DICER1: variants seen among roughly 807,000 people sequenced by gnomAD.
DICER1 encodes the protein dicer 1, ribonuclease III.
DICER1 carries 43 observed loss-of-function variants against 194.1 expected under a neutral mutation model. The ratio of observed to expected loss-of-function variants is 0.22; its 90% CI spans 0.17 to 0.29. The LOEUF (loss-of-function observed/expected upper bound fraction) is 0.29, where lower values mean the gene tolerates loss of function less well. Ranked by LOEUF, DICER1 falls within the 10% of genes least tolerant of loss-of-function variation. The probability of loss-of-function intolerance (pLI) is 1.00; values close to 1 mark genes in which losing one functional copy is unlikely to be tolerated. For missense variants in DICER1, 1,608 were observed against 2,317.0 expected, an observed-to-expected ratio of 0.69 and a Z score of 6.28; for synonymous variants, 832 against 820.5, an observed-to-expected ratio of 1.01 and a Z score of -0.24.
rs1595411224 is a variant in DICER1, at chr14:95,116,570, G to A, written c.1635C>T (p.Ser545=). ...TTGCTCTTCCTTTAGATTGAACATA[G>A]GATCGATATTCTGTGGGCAAATCAA... is the stretch of plus-strand genomic sequence containing the variant. ...VRFDLPTEYR[S]YVQSKGRARA... is the part of the protein sequence containing the mutation. The change falls in exon 10 of 27, where the codon TCC becomes TCT. Residue 545 remains serine, a synonymous_variant. Coordinates refer to ENST00000343455, the MANE Select transcript of DICER1 (RefSeq NM_177438.3). The A allele has an allele frequency of 6.2e-7, 1 of 1,613,818 alleles. No homozygotes were observed. Among genetic ancestry groups the A allele is most frequent in the Non-Finnish European group, 8.5e-7 (1 of 1,179,946 alleles).
rs563878612 is a variant in DICER1 at position 95,088,777 on chromosome 14, C to T, written c.*1721G>A. The T allele has an allele frequency of 3.5e-5, 8 of 231,720 alleles. No homozygotes were observed. Among genetic ancestry groups the T allele is most frequent in the Admixed American group, 2.8e-4 (5 of 17,710 alleles). 14.4% of individuals were successfully genotyped at this position (231,720 alleles called of 1,614,324 possible). ...GCTGACAGTTTTCTGTCGGTGCACT[C>T]GCACAGAGGCATTTCTCTGTGGGTG... is the stretch of plus-strand genomic sequence containing the variant. On this transcript the variant is annotated 3_prime_UTR_variant, in exon 27 of 27. Coordinates refer to ENST00000343455, the MANE Select transcript of DICER1 (RefSeq NM_177438.3).
intron 8 of DICER1, among the ~76,000 whole-genome samples, chr14:95,118,820 G>GAAACAC (rs1236151664): frequency 6.6e-6 from 1 of 151,232 alleles, no homozygotes; most frequent in Non-Finnish European, 1.5e-5. Context: ...AAAAATACAT[G>GAAACAC]AAACAGACTA....
intron 24 of DICER1, among the ~76,000 whole-genome samples, chr14:95,092,399 AC>A (rs1442416266): frequency 2.0e-5 from 3 of 152,216 alleles, no homozygotes; most frequent in Non-Finnish European, 4.4e-5. Flanking sequence ...TAAAATCAAC[AC>A]AAATCATTTG....
In DICER1 at chr14:95,104,054, A is replaced by C; in HGVS notation, c.3342T>G (p.Ser1114=). The change falls in exon 21 of 27, where the codon TCT becomes TCG. Residue 1114 remains serine, a synonymous_variant. Transcript: ENST00000343455. ...SKSFISISNS[S]SAENDNYCKH... Reference sequence around the variant, plus strand: ...TACAGTAATTATCATTTTCAGCTGAAGAGGAGTTAGAAATTGAGATGAAAG... The same window carrying C: ...TACAGTAATTATCATTTTCAGCTGACGAGGAGTTAGAAATTGAGATGAAAG... 6.2e-7 allele frequency: 1 copy of C among 1,614,122 alleles called. No homozygotes were observed. Among genetic ancestry groups the C allele is most frequent in the Non-Finnish European group, 8.5e-7 (1 of 1,179,996 alleles).
intron 12 of DICER1, among the ~76,000 whole-genome samples, chr14:95,112,680 C>A (rs111502612): frequency 1.1e-3 from 170 of 152,282 alleles, no homozygotes; most frequent in African/African-American, 3.9e-3. Flanking sequence ...TTACAAAAAG[C>A]AGATTTTTGA....
At chr14:95,106,475 GAAGCTA>G (rs1024173100) in intron 17 of DICER1, among the ~76,000 whole-genome samples, 71 of 152,120 alleles carry the variant, frequency 4.7e-4, no homozygotes, top group African/African-American at 1.6e-3. Context: ...GATAACACAT[GAAGCTA>G]AATGGCACCT....
In DICER1 at chr14:95,087,772, T is replaced by C. The variant is rs1889454643; in HGVS notation, c.*2726A>G. On this transcript the variant is annotated 3_prime_UTR_variant, in exon 27 of 27. Coordinates refer to ENST00000343455, the MANE Select transcript of DICER1 (RefSeq NM_177438.3). ...CATAAGGAATTTCTGCAGTTGCTTT[T>C]TCAAGACACGCCTCCCCAGTCCTTT... 1 of 233,166 alleles carries C rather than the reference T, an allele frequency of 4.3e-6. No homozygotes were observed. The highest frequency in any genetic ancestry group is 1.8e-4 in the South Asian group (1 of 5,534). The allele number at this position is 233,166 out of a possible 1,614,324, so 14.4% of individuals were successfully genotyped here. A position where few individuals can be genotyped will look rare whatever the true frequency, so the allele number is the denominator to read the frequency against.
Position 95,096,534 on chromosome 14 carries a change from A to G in DICER1, c.4386T>C (p.Ala1462=), listed in dbSNP as rs878855266. ...GAGAAAGAGAGATTTTCTTTACAAA[A>G]GCTCCTGACCCCATTAACATATTAT... ...FIDNMLMGSG[A]FVKKISLSPF... is the part of the protein sequence containing the mutation. The change falls in exon 23 of 27, where the codon GCT becomes GCC. Residue 1462 remains alanine, a synonymous_variant. Transcript: ENST00000343455. 6.2e-7 allele frequency: 1 copy of G among 1,614,138 alleles called. No individual in the cohort carries two copies. Among genetic ancestry groups the G allele is most frequent in the Non-Finnish European group, 8.5e-7 (1 of 1,179,992 alleles).
At chr14:95,126,785 T>C (rs914509912) in intron 6 of DICER1, 37 bp from the exon 7 acceptor site, 2 of 1,309,602 alleles carry the variant, frequency 1.5e-6, no homozygotes, top group African/African-American at 1.7e-5. Flanking sequence ...AATACTGCAG[T>C]AGTGAGAATG....
Position 95,150,507 on chromosome 14 carries a change from G to A in DICER1, c.-46+6723C>T, listed in dbSNP as rs200654715. Among the ~76,000 whole-genome samples, 5 of 152,028 alleles carry A rather than the reference G, an allele frequency of 3.3e-5. No homozygotes were observed. In the East Asian group the frequency reaches 7.7e-4, roughly 23 times the overall value. ...CATTAACAACAACAAAAAAGAAATC[G>A]TATTTTGTTAGGTTTAAAATTCAGG... On this transcript the variant is annotated intron_variant, in intron 1 of 26. Transcript: ENST00000343455.
chr14:95,119,691 G>T (rs1595422926), intron 8 of DICER1, among the ~76,000 whole-genome samples: 1 of 152,220 alleles, frequency 6.6e-6, no homozygotes, highest in African/African-American at 2.4e-5. Flanking sequence ...TTTCTGAAAC[G>T]ATCTGCAGTG....
intron 1 of DICER1, among the ~76,000 whole-genome samples, chr14:95,142,789 C>G (rs1894899669): frequency 6.6e-6 from 1 of 152,204 alleles, no homozygotes; most frequent in South Asian, 2.1e-4. Context: ...ATCAGACAGT[C>G]AAGTTTTAGT....
chr14:95,101,850 T>G (rs973549410), intron 21 of DICER1, among the ~76,000 whole-genome samples: 2 of 152,128 alleles, frequency 1.3e-5, no homozygotes, highest in East Asian at 3.9e-4. Flanking sequence ...GAGTGAGCAC[T>G]TGGGAAATGC....
rs1555375788 is a variant in DICER1, at chr14:95,129,490, T to C, written c.716A>G (p.Asp239Gly). ...ILKSNAETAT[D>G]LVVLDRYTSQ... is the part of the protein sequence containing the mutation. The stretch of plus-strand genomic sequence containing the variant: ...TGCATACCTGTCTAAGACCACCAGG[T>C]CAGTTGCAGTTTCAGCATTACTCTT... Residue 239 changes from aspartate (D) to glycine (G), a missense_variant, in exon 6 of 27, where the codon GAC becomes GGC. By Grantham distance (94) the Asp-to-Gly change is moderately conservative. Transcript: ENST00000343455. 3.7e-6 allele frequency: 6 copies of C among 1,613,894 alleles called. No homozygotes were observed. The highest frequency in any genetic ancestry group is 5.1e-6 in the Non-Finnish European group (6 of 1,179,858).
At position 95,089,049 on chromosome 14, in the gene DICER1, C is replaced by CA. The variant is rs35463377; in HGVS notation, c.*1448dup. ...ATTAAGAGGTATTATAGTTACAGTG[C>CA]AAAAAAAAAAAAATTAAAATTTCAA... On this transcript the variant is annotated 3_prime_UTR_variant, in exon 27 of 27. Coordinates refer to ENST00000343455, the MANE Select transcript of DICER1 (RefSeq NM_177438.3). 0.45 allele frequency: 91,992 copies of CA among 206,536 alleles called. 14,573 individuals are homozygous for CA. The highest frequency in any genetic ancestry group is 0.56 in the South Asian group (2,859 of 5,096). 12.8% of individuals were successfully genotyped at this position (206,536 alleles called of 1,614,324 possible). A position where few individuals can be genotyped will look rare whatever the true frequency, so the allele number is the denominator to read the frequency against.
chr14:95,118,145 C>T (rs983788775), intron 8 of DICER1, among the ~76,000 whole-genome samples: 14 of 152,146 alleles, frequency 9.2e-5, no homozygotes, highest in African/African-American at 2.9e-4. Context: ...CGACTCATCC[C>T]TCTACCAGTT....
At position 95,131,655 on chromosome 14, in the gene DICER1, A is replaced by G. The variant is rs2140280067; in HGVS notation, c.308-16T>C. On this transcript the variant is annotated splice_polypyrimidine_tract_variant and intron_variant, in intron 3 of 26. Transcript: ENST00000343455. ...ACCTGGTTTGCTAATTACAAATATA[A>G]TACTCCATGTAAATATGAGAAATCT... The G allele has an allele frequency of 6.2e-7, 1 of 1,611,930 alleles. No individual in the cohort carries two copies. The highest frequency in any genetic ancestry group is 8.5e-7 in the Non-Finnish European group (1 of 1,178,098).
rs763425076 is a variant in DICER1 at position 95,103,618 on chromosome 14, C to T, written c.3778G>A (p.Val1260Ile). 36 of 1,614,074 alleles carry T rather than the reference C, an allele frequency of 2.2e-5. No homozygotes were observed. Among genetic ancestry groups the T allele is most frequent in the Non-Finnish European group, 2.8e-5 (33 of 1,180,052 alleles). ...ATAGTGTCTGTCGTACCAGGCATTA[C>T]GGCCATCACAGGACTTCCATCTGAG... ...STSDGSPVMA[V>I]MPGTTDTIQV... Residue 1260 changes from valine to isoleucine, a missense_variant, in exon 21 of 27, where the codon GTA becomes ATA. By Grantham distance (29) the Val-to-Ile change is conservative. Around this residue, in one of 10 missense-constraint regions of DICER1, gnomAD observed 222 missense variants for 215.5 expected, o/e 1.03. Transcript: ENST00000343455.
intron 21 of DICER1, among the ~76,000 whole-genome samples, chr14:95,102,562 A>G (rs1010211723): frequency 7.9e-5 from 12 of 152,162 alleles, no homozygotes; most frequent in African/African-American, 2.9e-4. Flanking sequence ...TGCACTGTCA[A>G]CTTGCCTCCT....
Sources: gnomAD v4.1 joint callset for allele counts (sites outside exome capture counted in the v4.1 genomes callset) on GRCh38, gnomAD v4.1.1 for gene constraint, gnomAD v4.1.1 regional missense constraint, MANE v1.5 for transcripts, NCBI Gene and HGNC (gene_info 2026-07-23, HGNC 2026-07-21) for gene names.